ATP2B4: variants seen among roughly 807,000 people sequenced by gnomAD.
The protein encoded by ATP2B4 is plasma membrane calcium-transporting ATPase 4.
In ATP2B4, 39 loss-of-function variants were observed where a neutral mutation model predicts 110.3. That is an observed-to-expected ratio of 0.35 (90% CI 0.27 to 0.46). ATP2B4 has a LOEUF of 0.46. ATP2B4 is among the 20% of genes least tolerant of loss of function. The probability of loss-of-function intolerance (pLI) is 1.00; values close to 1 mark genes in which losing one functional copy is unlikely to be tolerated. For synonymous variants in ATP2B4, 538 were observed against 571.7 expected (o/e 0.94, Z 0.84); for missense variants, 1,135 against 1,530.9 (o/e 0.74, Z 4.32).
chr1:203,739,708 A>G lies in ATP2B4; in HGVS notation c.3472A>G (p.Lys1158Glu). The change falls in exon 21 of 21, where the codon AAG (lysine) becomes GAG (glutamate). Residue 1158 changes from lysine to glutamate, a missense_variant. By Grantham distance (56) the Lys-to-Glu change is moderately conservative. This residue lies in a region of ATP2B4 where 92 missense variants were observed against 82.5 expected (regional missense o/e 1.11). Coordinates refer to ENST00000357681, the MANE Select transcript of ATP2B4 (RefSeq NM_001684.5). Reference protein sequence around the residue: ...LDEEEEENPDKASKFGTRVLL... With the variant: ...LDEEEEENPDEASKFGTRVLL... ...TGAGGAAGAGGAGGAAAATCCTGAC[A>G]AGGCTTCTAAGTTTGGGACTAGGGT... The G allele has an allele frequency of 6.2e-7, 1 of 1,614,146 alleles. No homozygotes were observed. Among genetic ancestry groups the G allele is most frequent in the Non-Finnish European group, 8.5e-7 (1 of 1,180,016 alleles).
intron 20 of ATP2B4, among the ~76,000 whole-genome samples, chr1:203,735,331 T>C (rs16852249): frequency 0.22 from 33,814 of 152,162 alleles, 4,123 homozygotes; most frequent in Admixed American, 0.38. Context: ...TTCCTATTCC[T>C]GGTCATTTTC....
intron 15 of ATP2B4, among the ~76,000 whole-genome samples, chr1:203,714,834 A>G (rs1163959755): frequency 6.6e-6 from 1 of 152,274 alleles, no homozygotes; most frequent in Non-Finnish European, 1.5e-5. Flanking sequence ...GTAGTTTATG[A>G]TTATAAGCCT....
intron 1 of ATP2B4, among the ~76,000 whole-genome samples, chr1:203,672,701 G>A (rs575216777): frequency 6.6e-6 from 1 of 152,254 alleles, no homozygotes; most frequent in Non-Finnish European, 1.5e-5. Flanking sequence ...GAGCCAAAGT[G>A]AGCAGCGAAT....
intron 1 of ATP2B4, among the ~76,000 whole-genome samples, chr1:203,654,519 A>G (rs1223692352): frequency 6.6e-6 from 1 of 152,230 alleles, no homozygotes; most frequent in Non-Finnish European, 1.5e-5. Context: ...GCTGCCATAG[A>G]CAATGATTCC....
intron 1 of ATP2B4, among the ~76,000 whole-genome samples, chr1:203,654,211 T>C (rs1269410721): frequency 2.0e-5 from 3 of 151,946 alleles, no homozygotes; most frequent in African/African-American, 7.3e-5. Context: ...CTCGAACTCC[T>C]GACCTCAGGT....
In ATP2B4 at chr1:203,721,266, C is replaced by T; in HGVS notation, c.2668C>T (p.Leu890=). Residue 890 remains leucine (L), a synonymous_variant, in exon 17 of 21, where the codon CTG becomes TTG. Coordinates refer to ENST00000357681, the MANE Select transcript of ATP2B4 (RefSeq NM_001684.5). ...LIMDTFASLA[L]ATEPPTESLL... ...CATGGACACTTTTGCTTCATTGGCC[C>T]TGGCCACAGAGCCCCCTACGGAATC... 6.2e-7 allele frequency: 1 copy of T among 1,614,234 alleles called. No homozygotes were observed. The highest frequency in any genetic ancestry group is 1.1e-5 in the South Asian group (1 of 91,086).
At position 203,698,377 on chromosome 1, in the gene ATP2B4, C is replaced by T. The variant is rs770552190; in HGVS notation, c.391+23C>T. On this transcript the variant is annotated intron_variant, in intron 3 of 20. Transcript: ENST00000357681. Reference sequence around the variant, plus strand: ...AACGTGAGTGTCCTAAACAGCTCAGCGTGACTCTTATCTGGGTTCTTTCCA... The same window carrying T: ...AACGTGAGTGTCCTAAACAGCTCAGTGTGACTCTTATCTGGGTTCTTTCCA... 1.1e-5 allele frequency: 18 copies of T among 1,610,894 alleles called. 1 individual carries two copies. The highest frequency in any genetic ancestry group is 6.6e-5 in the South Asian group (6 of 91,010).
chr1:203,648,466 C>T (rs1358678679), intron 1 of ATP2B4, among the ~76,000 whole-genome samples: 2 of 152,120 alleles, frequency 1.3e-5, no homozygotes, highest in Non-Finnish European at 2.9e-5. Context: ...GGCCACTTGA[C>T]ACCCCTTGGC....
chr1:203,650,178 T>C (rs1357327265), intron 1 of ATP2B4, among the ~76,000 whole-genome samples: 1 of 152,190 alleles, frequency 6.6e-6, no homozygotes, highest in Non-Finnish European at 1.5e-5. Context: ...CCCGTAAAGC[T>C]TGGAGCGAGG....
At chr1:203,698,378 G>A (rs373465766) in intron 3 of ATP2B4, 24 bp downstream of exon 3, 264 of 1,611,050 alleles carry the variant, frequency 1.6e-4, no homozygotes, top group Non-Finnish European at 2.0e-4. Flanking sequence ...ACAGCTCAGC[G>A]TGACTCTTAT....
At chr1:203,694,739 G>T (rs1012420257) in intron 2 of ATP2B4, among the ~76,000 whole-genome samples, 2 of 152,174 alleles carry the variant, frequency 1.3e-5, no homozygotes, top group East Asian at 3.9e-4. Flanking sequence ...TCTTAAAAAA[G>T]ATCATTCTGG....
At chr1:203,725,373 T>C (rs916752388) in intron 19 of ATP2B4, among the ~76,000 whole-genome samples, 25 of 152,102 alleles carry the variant, frequency 1.6e-4, no homozygotes, top group Admixed American at 2.6e-4. Context: ...GGTCTCAAAC[T>C]CCTGATCTCA....
chr1:203,727,553 G>A lies in ATP2B4; in HGVS notation c.3291G>A (p.Leu1097=), dbSNP rs113186728. ...RRGQILWFRG[L]NRIQTQIKVV... The stretch of plus-strand genomic sequence containing the variant: ...GCCAGATCCTCTGGTTCCGGGGCCT[G>A]AACCGTATCCAGACTCAGGTACTCT... The change falls in exon 20 of 21, where the codon CTG becomes CTA. Residue 1097 remains leucine, a synonymous_variant. Transcript: ENST00000357681. The A allele has an allele frequency of 2.1e-4, 337 of 1,613,870 alleles. No individual in the cohort carries two copies. Among genetic ancestry groups the A allele is most frequent in the Non-Finnish European group, 2.8e-4 (325 of 1,179,956 alleles).
intron 6 of ATP2B4, 83 bp from the exon 7 acceptor site, chr1:203,701,961 G>T: frequency 4.1e-6 from 6 of 1,449,690 alleles, no homozygotes; most frequent in Non-Finnish European, 5.8e-6. Flanking sequence ...TGTCCTTCTG[G>T]GCTCTGAGCA....
chr1:203,660,811 T>TA (rs1553245173), intron 1 of ATP2B4, among the ~76,000 whole-genome samples: 1 of 140,274 alleles, frequency 7.1e-6, no homozygotes, highest in African/African-American at 2.7e-5. Flanking sequence ...AATAAATAAA[T>TA]AAGAAGAAGA....
chr1:203,637,330 C>A (rs1663477008), intron 1 of ATP2B4, among the ~76,000 whole-genome samples: 1 of 149,708 alleles, frequency 6.7e-6, no homozygotes, highest in African/African-American at 2.5e-5. Context: ...ACTGGGGAGG[C>A]TGAGGCAGGA....
rs1407461458 is a variant in ATP2B4, at chr1:203,713,246, G to A, written c.2293G>A (p.Val765Met). 2 of 1,614,016 alleles carry A rather than the reference G, an allele frequency of 1.2e-6. No homozygotes were observed. The highest frequency in any genetic ancestry group is 1.7e-5 in the Admixed American group (1 of 60,006). The stretch of plus-strand genomic sequence containing the variant: ...TTCTCCCACTGACAAGCACACCCTG[G>A]TGAAAGGTGAGGTTGGCTTCCAAAT... ...RSSPTDKHTLVKGIIDSTVGE... is the reference protein window; with the variant it reads ...RSSPTDKHTLMKGIIDSTVGE... Residue 765 changes from valine to methionine, a missense_variant, in exon 14 of 21, where the codon GTG (valine) becomes ATG (methionine). Val to Met is a conservative substitution (Grantham distance 21). This residue lies in a region of ATP2B4 where 368 missense variants were observed against 455.9 expected (regional missense o/e 0.81). Coordinates refer to ENST00000357681, the MANE Select transcript of ATP2B4 (RefSeq NM_001684.5).
At chr1:203,725,418 G>A (rs1666480336) in intron 19 of ATP2B4, among the ~76,000 whole-genome samples, 1 of 152,162 alleles carries the variant, frequency 6.6e-6, no homozygotes, top group South Asian at 2.1e-4. Flanking sequence ...GAAAGTGCTA[G>A]GATTACAGGC....
chr1:203,723,457 T>TCTCTCTCTCTCTCTCTCCCTCC (rs1407579331), intron 18 of ATP2B4, among the ~76,000 whole-genome samples: 12 of 113,570 alleles, frequency 1.1e-4, no homozygotes, highest in East Asian at 2.8e-4. Flanking sequence ...TCTCTCTCTC[T>TCTCTCTCTCTCTCTCTCCCTCC]CTCCCTCTGC....
Sources: allele counts gnomAD v4.1 joint callset (sites outside exome capture counted in the v4.1 genomes callset), GRCh38; gene constraint gnomAD v4.1.1; regional missense constraint gnomAD v4.1.1; transcripts MANE v1.5; gene names NCBI Gene and HGNC (gene_info 2026-07-23, HGNC 2026-07-21).